DIDO1: variants seen among roughly 807,000 people sequenced by gnomAD.
DIDO1 encodes the protein death inducer-obliterator 1, also known as death-inducer obliterator 1.
DIDO1 carries 16 observed loss-of-function variants against 99.4 expected under a neutral mutation model. The ratio of observed to expected loss-of-function variants is 0.16; its 90% CI spans 0.11 to 0.24. The LOEUF (loss-of-function observed/expected upper bound fraction) is 0.24, where lower values mean the gene tolerates loss of function less well. DIDO1 is among the 10% of genes least tolerant of loss of function. DIDO1 has a pLI of 1.00. For missense variants in DIDO1, 2,996 were observed against 3,014.0 expected (o/e 0.99, Z 0.14); for synonymous variants, 1,366 against 1,239.1 (o/e 1.10, Z -2.15).
intron 1 of DIDO1, among the ~76,000 whole-genome samples, chr20:62,931,801 T>C (rs1013891638): frequency 1.3e-5 from 2 of 151,348 alleles, no homozygotes; most frequent in African/African-American, 2.5e-5. Flanking sequence ...AGGGCTACAA[T>C]TGTGCAGGCT....
At chr20:62,925,752 C>T (rs1005658763) in intron 1 of DIDO1, among the ~76,000 whole-genome samples, 1 of 152,228 alleles carries the variant, frequency 6.6e-6, no homozygotes, top group African/African-American at 2.4e-5. Flanking sequence ...CGGGCCCTTT[C>T]GGCTTCCGGG....
chr20:62,890,961 T>C lies in DIDO1; in HGVS notation c.3540A>G (p.Pro1180=). ...TCCACCCAGAAAGCCGGCGCTTACC[T>C]GGTCCCTCAAAGGGCAAGAGTTTGG... ...VPSKLLPFEG[P]GLESPRPNII... is the part of the protein sequence containing the mutation. Residue 1180 remains proline (P), a splice_region_variant and synonymous_variant, in exon 15 of 16, where the codon CCA becomes CCG. Coordinates refer to ENST00000395343, the MANE Select transcript of DIDO1 (RefSeq NM_001193369.2). 6.2e-7 allele frequency: 1 copy of C among 1,613,840 alleles called. No individual in the cohort carries two copies. Among genetic ancestry groups the C allele is most frequent in the Non-Finnish European group, 8.5e-7 (1 of 1,180,030 alleles).
rs746841680 is a variant in DIDO1 at position 62,895,055 on chromosome 20, C to T, written c.2325G>A (p.Ala775=). The T allele has an allele frequency of 1.4e-5, 23 of 1,606,942 alleles. 1 individual carries two copies. The highest frequency in any genetic ancestry group is 7.7e-5 in the South Asian group (7 of 91,004). ...GGTACCCCTCAGCACTCACAGATCT[C>T]GCTGGCCTCTCTTTCCACGTGGAAA... ...KELSTWKERP[A]RSVMESRTKL... Residue 775 remains alanine (A), a synonymous_variant, in exon 9 of 16, where the codon GCG becomes GCA. Coordinates refer to ENST00000395343, the MANE Select transcript of DIDO1 (RefSeq NM_001193369.2).
In DIDO1 at chr20:62,880,437, G is replaced by A; in HGVS notation, c.5519C>T (p.Ser1840Phe). ...YLGGPRGVAP[S>F]QFEERKDPHG... ...GGGATCCTTGCGTTCTTCAAATTGG[G>A]ATGGTGCCACTCCTCGTGGTCCACC... The change falls in exon 16 of 16, where the codon TCC becomes TTC. Residue 1840 changes from serine (S) to phenylalanine (F), a missense_variant. Physicochemically the swap from Ser to Phe is radical, Grantham distance 155. This residue lies in a region of DIDO1 where 1,562 missense variants were observed against 1,412.6 expected (regional missense o/e 1.11). Transcript: ENST00000395343. 6.2e-7 allele frequency: 1 copy of A among 1,612,888 alleles called. No homozygotes were observed.
chr20:62,899,688 C>T (rs1175378381), intron 6 of DIDO1, among the ~76,000 whole-genome samples: 2 of 152,176 alleles, frequency 1.3e-5, no homozygotes, highest in African/African-American at 4.8e-5. Flanking sequence ...TAAAGGCAAC[C>T]TTTGTCATCC....
intron 15 of DIDO1, chr20:62,889,404 G>C (rs2064354163): frequency 1.0e-6 from 1 of 985,338 alleles, no homozygotes; most frequent in African/African-American, 1.7e-5. Context: ...GTTTGGAGAT[G>C]AGCAGGGAGA....
Position 62,894,000 on chromosome 20 carries a change from T to A in DIDO1, c.2767A>T (p.Asn923Tyr). The A allele has an allele frequency of 6.2e-7, 1 of 1,614,074 alleles. No individual in the cohort carries two copies. ...EPGLESASHP[N>Y]VDRTYFPGPP... ...CCAGGGAAATACGTTCTGTCCACATTTGGATGAGAAGCACTTTCTAGGCCT... is the reference window on the plus strand; with the variant it reads ...CCAGGGAAATACGTTCTGTCCACATATGGATGAGAAGCACTTTCTAGGCCT... The change falls in exon 12 of 16, where the codon AAT (asparagine) becomes TAT (tyrosine). Residue 923 changes from asparagine to tyrosine, a missense_variant. By Grantham distance (143) the Asn-to-Tyr change is moderately radical. Around this residue, in one of 5 missense-constraint regions of DIDO1, gnomAD observed 898 missense variants for 972.7 expected, o/e 0.92. Coordinates refer to ENST00000395343, the MANE Select transcript of DIDO1 (RefSeq NM_001193369.2).
chr20:62,924,500 T>C (rs947474037), intron 1 of DIDO1, among the ~76,000 whole-genome samples: 8 of 152,214 alleles, frequency 5.3e-5, no homozygotes, highest in African/African-American at 1.9e-4. Flanking sequence ...AGCACCCTAC[T>C]GGGCTCCACA....
chr20:62,929,692 A>ATATATATATATATATATAT, upstream of DIDO1, among the ~76,000 whole-genome samples: 1 of 63,710 alleles, frequency 1.6e-5, no homozygotes, highest in African/African-American at 7.6e-5. Context: ...AAAAAGAAAA[A>ATATATATATATATATATAT]GTGTATATAT....
Position 62,894,166 on chromosome 20 carries a change from T to C in DIDO1, c.2601A>G (p.Pro867=), listed in dbSNP as rs1469105380. ...CTGACAATTTTTGTTTTTTCGGAGC[T>C]GGCTCATCTTCTGCGGAGGGAACCT... ...TGQVPSAEDE[P]APKKQKLSAS... is the part of the protein sequence containing the mutation. Residue 867 remains proline (P), a synonymous_variant, in exon 12 of 16, where the codon CCA becomes CCG. Coordinates refer to ENST00000395343, the MANE Select transcript of DIDO1 (RefSeq NM_001193369.2). The surrounding 1 kb of genome is among the most constrained non-coding windows in gnomAD (Gnocchi z 4.4). 6.2e-7 allele frequency: 1 copy of C among 1,613,816 alleles called. No homozygotes were observed. The highest frequency in any genetic ancestry group is 1.3e-5 in the African/African-American group (1 of 75,032).
intron 6 of DIDO1, among the ~76,000 whole-genome samples, chr20:62,900,953 A>G (rs2064659378): frequency 6.6e-6 from 1 of 152,254 alleles, no homozygotes; most frequent in African/African-American, 2.4e-5. Context: ...AGGCGTGTGT[A>G]CAACAATGCA....
chr20:62,931,000 G>A (rs2065327208), upstream of DIDO1, among the ~76,000 whole-genome samples: 1 of 152,220 alleles, frequency 6.6e-6, no homozygotes, highest in Non-Finnish European at 1.5e-5. Flanking sequence ...GAGTGCAGTA[G>A]TGTGATCTTG....
chr20:62,921,830 A>G (rs963730678), intron 1 of DIDO1, among the ~76,000 whole-genome samples: 2 of 150,778 alleles, frequency 1.3e-5, no homozygotes, highest in Non-Finnish European at 2.9e-5. Flanking sequence ...CACAATATAT[A>G]TATACTATAT....
chr20:62,883,116 G>A (rs1048921183), intron 15 of DIDO1, among the ~76,000 whole-genome samples: 1 of 151,528 alleles, frequency 6.6e-6, no homozygotes, highest in Non-Finnish European at 1.5e-5. Context: ...TAGATAAGAG[G>A]TTTCACCATG....
Position 62,916,380 on chromosome 20 carries a change from G to A in DIDO1, c.-199-1974C>T, listed in dbSNP as rs149692423. 5.3e-3 allele frequency among the ~76,000 whole-genome samples: 808 copies of A among 152,252 alleles called. 16 individuals are homozygous for A. The highest frequency in any genetic ancestry group is 0.034 in the Admixed American group (513 of 15,292). On this transcript the variant is annotated intron_variant, in intron 1 of 15. Coordinates refer to ENST00000395343, the MANE Select transcript of DIDO1 (RefSeq NM_001193369.2). ...TGACTAGAAGCAGCTGATGAGCGGC[G>A]ATTCAAGCAGAGGACACACACTGAC...
chr20:62,888,822 G>C (rs2064343377), intron 15 of DIDO1: 1 of 985,460 alleles, frequency 1.0e-6, no homozygotes, highest in Non-Finnish European at 1.2e-6. Context: ...AGTGACCATG[G>C]AAGTGTGTGA....
At chr20:62,921,702 C>G (rs975116015) in intron 1 of DIDO1, among the ~76,000 whole-genome samples, 1 of 149,808 alleles carries the variant, frequency 6.7e-6, no homozygotes. Flanking sequence ...CGACTGATCA[C>G]GGCTCACTGC....
intron 6 of DIDO1, among the ~76,000 whole-genome samples, chr20:62,903,377 G>A (rs916327418): frequency 2.6e-5 from 4 of 152,198 alleles, no homozygotes; most frequent in African/African-American, 9.6e-5. Flanking sequence ...GCTCCACCAC[G>A]TGGGTCTTCT....
At position 62,893,895 on chromosome 20, in the gene DIDO1, C is replaced by T. The variant is rs2064455608; in HGVS notation, c.2872G>A (p.Val958Ile). 1.2e-6 allele frequency: 2 copies of T among 1,610,812 alleles called. No individual in the cohort carries two copies. The highest frequency in any genetic ancestry group is 8.5e-7 in the Non-Finnish European group (1 of 1,177,522). Residue 958 changes from valine to isoleucine, a missense_variant, in exon 12 of 16, where the codon GTC (valine) becomes ATC (isoleucine). Coordinates refer to ENST00000395343, the MANE Select transcript of DIDO1 (RefSeq NM_001193369.2). ...PCPASCGSGV[V>I]TTVTVSGRDP... is the part of the protein sequence containing the mutation. ...CGGCCGGACACTGTGACGGTGGTGA[C>T]CACCCCGCTCCCACAGGAGGCTGGG...
Sources: allele counts gnomAD v4.1 joint callset (sites outside exome capture counted in the v4.1 genomes callset), GRCh38; gene constraint gnomAD v4.1.1; regional missense constraint gnomAD v4.1.1; non-coding constraint Gnocchi (gnomAD v3.1); transcripts MANE v1.5; gene names NCBI Gene and HGNC (gene_info 2026-07-23, HGNC 2026-07-21).